PUF60: variants seen among roughly 807,000 people sequenced by gnomAD.
The protein encoded by PUF60 is poly(U)-binding-splicing factor PUF60.
A neutral mutation model predicts 61.8 loss-of-function variants in PUF60; 10 were observed. The observed-to-expected ratio is 0.16, with a 90% CI of 0.10 to 0.27. The LOEUF (loss-of-function observed/expected upper bound fraction) is 0.27. Ranked by LOEUF, PUF60 falls within the 10% of genes least tolerant of loss-of-function variation. The pLI, the probability that PUF60 is intolerant of heterozygous loss-of-function variation, is 1.00. For missense variants in PUF60, 371 were observed against 754.0 expected, an observed-to-expected ratio of 0.49 and a Z score of 5.95; for synonymous variants, 353 against 300.9, an observed-to-expected ratio of 1.17 and a Z score of -1.79.
At position 143,819,413 on chromosome 8, in the gene PUF60, G is replaced by A. The variant is rs995461519; in HGVS notation, c.349-879C>T. Reference sequence around the variant, plus strand: ...AGACAGGGGACTTCCAGAGCCACACGCAGTGGGCCACAGGGAGCCTGTGGG... The same window carrying A: ...AGACAGGGGACTTCCAGAGCCACACACAGTGGGCCACAGGGAGCCTGTGGG... On this transcript the variant is annotated intron_variant, in intron 5 of 11. Transcript: ENST00000526683. Among the ~76,000 whole-genome samples, 7 of 151,958 alleles carry A rather than the reference G, an allele frequency of 4.6e-5. No individual in the cohort carries two copies. In the East Asian group the frequency reaches 7.7e-4, roughly 17 times the overall value.
intron 1 of PUF60, 185 bp downstream of exon 1, chr8:143,829,095 C>A (rs1282501932): frequency 3.6e-6 from 4 of 1,113,616 alleles, no homozygotes; most frequent in Non-Finnish European, 3.3e-6. Context: ...GAAGCTGAGG[C>A]CGCGAGCCGG....
Position 143,817,066 on chromosome 8 carries a change from T to C in PUF60, c.1224A>G (p.Pro408=), listed in dbSNP as rs777418873. ...TCTTGGGCTCCAGGAGACCCAGCGT[T>C]GGAGGGCTGGCCAGGATGGGGTTCA... ...GVVNPILASP[P]TLGLLEPKKE... Residue 408 remains proline (P), a synonymous_variant, in exon 11 of 12, where the codon CCA becomes CCG. Coordinates refer to ENST00000526683, the MANE Select transcript of PUF60 (RefSeq NM_078480.3). This position sits in a 1 kb window ranked among gnomAD's most constrained non-coding sequence, Gnocchi z 7.4. 52 of 1,611,474 alleles carry C rather than the reference T, an allele frequency of 3.2e-5. No homozygotes were observed. The Middle Eastern group carries it at 9.9e-4, about 31-fold the overall frequency.
chr8:143,816,626 G>A lies in PUF60; in HGVS notation c.1574C>T (p.Thr525Ile). The change falls in exon 12 of 12, where the codon ACT (threonine) becomes ATT (isoleucine). Residue 525 changes from threonine to isoleucine, a missense_variant. Physicochemically the swap from Thr to Ile is moderately conservative, Grantham distance 89. Around this residue, in one of 13 missense-constraint regions of PUF60, gnomAD observed 19 missense variants for 16.9 expected, o/e 1.12. Transcript: ENST00000526683. ...ATTGAGGGCCTGGATGGCCTTATGA[G>A]TCTCAGAGGCTATGGAAAACTCCAC... ...IFVEFSIASE[T>I]HKAIQALNGR... 1 of 1,613,800 alleles carries A rather than the reference G, an allele frequency of 6.2e-7. No homozygotes were observed.
intron 1 of PUF60, among the ~76,000 whole-genome samples, chr8:143,826,582 G>A (rs1817660696): frequency 1.3e-5 from 2 of 152,180 alleles, no homozygotes; most frequent in African/African-American, 4.8e-5. Context: ...GGGCATGGTG[G>A]CAAGCACCTG....
chr8:143,825,514 A>G (rs1256830529), intron 1 of PUF60, among the ~76,000 whole-genome samples: 3 of 150,670 alleles, frequency 2.0e-5, no homozygotes, highest in Non-Finnish European at 2.9e-5. Flanking sequence ...GCACAGCCAG[A>G]GCAGAGGCTG....
In PUF60 at chr8:143,816,440, G is replaced by A. The variant is rs565219318; in HGVS notation, c.*80C>T. 8.8e-6 allele frequency: 13 copies of A among 1,480,564 alleles called. No individual in the cohort carries two copies. The African/African-American group carries it at 1.7e-4, about 19-fold the overall frequency. 91.7% of individuals were successfully genotyped at this position (1,480,564 alleles called of 1,614,324 possible). On this transcript the variant is annotated 3_prime_UTR_variant, in exon 12 of 12. Transcript: ENST00000526683. Reference sequence around the variant, plus strand: ...AGGCTGGGCTGGGCAGAGCGCGCCTGGCCCCGGGGACACCACTGTATCACT... The same window carrying A: ...AGGCTGGGCTGGGCAGAGCGCGCCTAGCCCCGGGGACACCACTGTATCACT...
At chr8:143,819,613 G>C (rs1223785945) in intron 5 of PUF60, among the ~76,000 whole-genome samples, 1 of 152,194 alleles carries the variant, frequency 6.6e-6, no homozygotes, top group Non-Finnish European at 1.5e-5. Flanking sequence ...ACTTCCCAAG[G>C]TGAGATATCT....
chr8:143,818,205 G>GC lies in PUF60; in HGVS notation c.590dup (p.Arg198GlnfsTer23), dbSNP rs1057518046. ...CTCCCTGCCTCACCTTGATGTTCCT[G>GC]CCCCCCAGCATCACCGAGTTCATCT... is the stretch of plus-strand genomic sequence containing the variant. On this transcript the variant is annotated frameshift_variant, in exon 7 of 12. Coordinates refer to ENST00000526683, the MANE Select transcript of PUF60 (RefSeq NM_078480.3). LOFTEE classifies it high-confidence loss of function. The surrounding 1 kb of genome is among the most constrained non-coding windows in gnomAD (Gnocchi z 7.9). The GC allele has an allele frequency of 6.2e-7, 1 of 1,610,754 alleles. No individual in the cohort carries two copies.
At position 143,816,412 on chromosome 8, in the gene PUF60, T is replaced by G; in HGVS notation, c.*108A>C. On this transcript the variant is annotated 3_prime_UTR_variant, in exon 12 of 12. Transcript: ENST00000526683. ...GCAGCATCCGCACCTTTATCCGCAC[T>G]GTAGGCTGGGCTGGGCAGAGCGCGC... 3.9e-6 allele frequency: 5 copies of G among 1,294,848 alleles called. No individual in the cohort carries two copies. The highest frequency in any genetic ancestry group is 5.2e-6 in the Non-Finnish European group (5 of 956,556). The allele number at this position is 1,294,848 out of a possible 1,614,324, so 80.2% of individuals were successfully genotyped here.
chr8:143,819,823 T>C (rs1363186683), intron 5 of PUF60, among the ~76,000 whole-genome samples: 1 of 151,912 alleles, frequency 6.6e-6, no homozygotes, highest in African/African-American at 2.4e-5. Context: ...ATGTCTCCTT[T>C]TCAGTGTGGG....
intron 1 of PUF60, 157 bp downstream of exon 1, chr8:143,829,123 C>G (rs1445898186): frequency 8.5e-7 from 1 of 1,177,288 alleles, no homozygotes; most frequent in Non-Finnish European, 1.0e-6. Flanking sequence ...CGCGCGCCCG[C>G]CCCGCCCCCG....
chr8:143,818,874 C>A lies in PUF60; in HGVS notation c.349-340G>T. ...CAGTCTGGGGGCTGGGTATCCCAGG[C>A]TGGGCTGGGAGATCCTCCCACTGTC... On this transcript the variant is annotated intron_variant, in intron 5 of 11. Transcript: ENST00000526683. The surrounding 1 kb of genome is among the most constrained non-coding windows in gnomAD (Gnocchi z 7.9). 1 of 338,866 alleles carries A rather than the reference C, an allele frequency of 3.0e-6. No individual in the cohort carries two copies. The highest frequency in any genetic ancestry group is 5.4e-6 in the Non-Finnish European group (1 of 184,760). 21.0% of individuals were successfully genotyped at this position (338,866 alleles called of 1,614,324 possible).
At chr8:143,827,269 C>T in intron 1 of PUF60, 1 of 422,480 alleles carries the variant, frequency 2.4e-6, no homozygotes, top group Non-Finnish European at 4.8e-6. Context: ...CTGGGGCCTA[C>T]AGAAGAAAGG....
intron 4 of PUF60, 74 bp from the exon 5 acceptor site, chr8:143,820,790 G>C: frequency 2.8e-6 from 4 of 1,438,280 alleles, no homozygotes; most frequent in Non-Finnish European, 3.9e-6. Context: ...ACCTCACGCA[G>C]ACAGCGGCAA....
At position 143,817,038 on chromosome 8, in the gene PUF60, C is replaced by T; in HGVS notation, c.1252G>A (p.Glu418Lys). ...PTLGLLEPKK[E>K]KEEEELFPES... ...GGAAACAGCTCCTCTTCTTCCTTCT[C>T]CTTCTTGGGCTCCAGGAGACCCAGC... is the stretch of plus-strand genomic sequence containing the variant. Residue 418 changes from glutamate to lysine, a missense_variant, in exon 11 of 12, where the codon GAG becomes AAG. Around this residue, in one of 13 missense-constraint regions of PUF60, gnomAD observed 68 missense variants for 69.4 expected, o/e 0.98. Coordinates refer to ENST00000526683, the MANE Select transcript of PUF60 (RefSeq NM_078480.3). The surrounding 1 kb of genome is among the most constrained non-coding windows in gnomAD (Gnocchi z 7.4). The T allele has an allele frequency of 6.2e-7, 1 of 1,610,976 alleles. No homozygotes were observed. The highest frequency in any genetic ancestry group is 8.5e-7 in the Non-Finnish European group (1 of 1,178,912).
Position 143,821,627 on chromosome 8 carries a change from C to T in PUF60, c.267G>A (p.Ala89=), listed in dbSNP as rs371840385. The T allele has an allele frequency of 9.7e-6, 15 of 1,545,504 alleles. No homozygotes were observed. The highest frequency in any genetic ancestry group is 2.2e-4 in the Middle Eastern group (1 of 4,612). The change falls in exon 4 of 12, where the codon GCG becomes GCA. Residue 89 remains alanine, a synonymous_variant. Transcript: ENST00000526683. The part of the protein sequence containing the change: ...IKSVLVKQTI[A]HQQQQLTNLQ... ...GGTTGGTGAGCTGCTGCTGCTGGTG[C>T]GCGATGGTCTGCTTCACCAGCACAC...
chr8:143,821,334 G>A, intron 4 of PUF60: 9 of 587,300 alleles, frequency 1.5e-5, no homozygotes, highest in Non-Finnish European at 2.7e-5. Context: ...TGAAGACCAG[G>A]AAGGGGAAAA....
chr8:143,824,800 T>C (rs1817462338), intron 1 of PUF60: 1 of 230,674 alleles, frequency 4.3e-6, no homozygotes. Flanking sequence ...GTACACACCT[T>C]GGCCAGCCCA....
chr8:143,827,035 C>T, intron 1 of PUF60: 1 of 284,316 alleles, frequency 3.5e-6, no homozygotes, highest in Non-Finnish European at 6.9e-6. Context: ...TTACTGCGTG[C>T]CCAGGCTCCA....
Sources: allele counts gnomAD v4.1 joint callset (sites outside exome capture counted in the v4.1 genomes callset), GRCh38; gene constraint gnomAD v4.1.1; regional missense constraint gnomAD v4.1.1; non-coding constraint Gnocchi (gnomAD v3.1); transcripts MANE v1.5; gene names NCBI Gene and HGNC (gene_info 2026-07-23, HGNC 2026-07-21).